The following POLD3 variants were observed in gnomAD, a reference collection of about 807,000 sequenced individuals.
POLD3 encodes DNA polymerase delta subunit 3.
POLD3 carries 19 observed loss-of-function variants against 58.2 expected under a neutral mutation model. The ratio of observed to expected loss-of-function variants is 0.33; its 90% CI spans 0.23 to 0.48. The LOEUF (loss-of-function observed/expected upper bound fraction) is 0.48. Among genes scored for constraint, POLD3 ranks in the 20% least tolerant of loss-of-function variants. The pLI is 0.99. For synonymous variants in POLD3, 172 were observed against 193.5 expected, an observed-to-expected ratio of 0.89 and a Z score of 0.92; for missense variants, 504 against 545.5, an observed-to-expected ratio of 0.92 and a Z score of 0.76.
intron 4 of POLD3, among the ~76,000 whole-genome samples, chr11:74,660,384 C>CTATTA (rs2033190771): frequency 2.0e-5 from 3 of 152,156 alleles, no homozygotes; most frequent in Non-Finnish European, 1.5e-5. Flanking sequence ...TTTGAATAAA[C>CTATTA]TTTCTACTAT....
chr11:74,667,329 A>G (rs2033282336), intron 4 of POLD3, among the ~76,000 whole-genome samples: 1 of 152,128 alleles, frequency 6.6e-6, no homozygotes, highest in Non-Finnish European at 1.5e-5. Flanking sequence ...AGGTCAGGAG[A>G]TCGAGACCAT....
chr11:74,656,069 G>T (rs1267252917), intron 4 of POLD3, among the ~76,000 whole-genome samples: 1 of 152,132 alleles, frequency 6.6e-6, no homozygotes, highest in Non-Finnish European at 1.5e-5. Context: ...CATTTAAAAT[G>T]CCATTTATAA....
At position 74,592,632 on chromosome 11, in the gene POLD3, A is replaced by G. The variant is rs2031069797; in HGVS notation, c.-27A>G. On this transcript the variant is annotated 5_prime_UTR_variant, in exon 1 of 12. Transcript: ENST00000263681. ...TGTGGCTGTGATTGAGAGAGGGGTT[A>G]GAGGCGGGTCCCAGCGCTGCCGCAC... is the stretch of plus-strand genomic sequence containing the variant. 1.3e-6 allele frequency: 2 copies of G among 1,596,564 alleles called. No homozygotes were observed. The highest frequency in any genetic ancestry group is 8.6e-7 in the Non-Finnish European group (1 of 1,169,278).
At chr11:74,625,624 A>T in intron 8 of POLD3, 51 bp downstream of exon 8, 1 of 1,495,824 alleles carries the variant, frequency 6.7e-7, no homozygotes, top group African/African-American at 1.4e-5. Context: ...GGGGGTGAGA[A>T]GGTCTCTTTG....
At chr11:74,627,930 G>A (rs2032478900) in intron 8 of POLD3, among the ~76,000 whole-genome samples, 5 of 152,204 alleles carry the variant, frequency 3.3e-5, no homozygotes, top group Admixed American at 3.3e-4. Context: ...GTTTTCTGAA[G>A]GAGTTTATAT....
rs1174092578 is a variant in POLD3, at chr11:74,629,158, G to T, written c.900-59G>T. 4.0e-6 allele frequency: 4 copies of T among 993,442 alleles called. No individual in the cohort carries two copies. The East Asian group carries it at 7.9e-5, about 20-fold the overall frequency. The allele number at this position is 993,442 out of a possible 1,614,324, so 61.5% of individuals were successfully genotyped here. On this transcript the variant is annotated intron_variant, in intron 8 of 11. Transcript: ENST00000263681. ...TATAAAGCAAAACCCATAAGAGCAT[G>T]TGAATACTTACATTTTTGTTCTGTG... is the stretch of plus-strand genomic sequence containing the variant.
chr11:74,644,501 T>C (rs1453024000), downstream of POLD3, among the ~76,000 whole-genome samples: 2 of 152,228 alleles, frequency 1.3e-5, no homozygotes, highest in Non-Finnish European at 2.9e-5. Flanking sequence ...CATTTAGGAT[T>C]GACTCTTACC....
intron 10 of POLD3, 78 bp from the exon 11 acceptor site, chr11:74,636,119 T>C: frequency 6.7e-6 from 9 of 1,335,104 alleles, no homozygotes; most frequent in Non-Finnish European, 9.5e-6. Flanking sequence ...GAGTGATTAG[T>C]ATAGATTTAA....
At chr11:74,640,454 A>G in intron 11 of POLD3, 110 bp from the exon 12 acceptor site, 2 of 1,309,850 alleles carry the variant, frequency 1.5e-6, no homozygotes. Context: ...AAGTAAGCAT[A>G]TTTGCCTTGA....
At position 74,641,307 on chromosome 11, in the gene POLD3, G is replaced by GA; in HGVS notation, c.*545dup. On this transcript the variant is annotated 3_prime_UTR_variant, in exon 12 of 12. Transcript: ENST00000263681. Reference sequence around the variant, plus strand: ...TTTTGGTTGGACTAAAGGCTGAAGTGAAAATCTCCCTGTAATCCTCTTCCT... The same window carrying GA: ...TTTTGGTTGGACTAAAGGCTGAAGTGAAAAATCTCCCTGTAATCCTCTTCCT... 1.0e-6 allele frequency: 1 copy of GA among 985,454 alleles called. No homozygotes were observed. The highest frequency in any genetic ancestry group is 1.2e-6 in the Non-Finnish European group (1 of 829,978). 61.0% of individuals were successfully genotyped at this position (985,454 alleles called of 1,614,324 possible). A position where few individuals can be genotyped will look rare whatever the true frequency, so the allele number is the denominator to read the frequency against.
rs202231769 is a variant in POLD3, at chr11:74,592,617, A to C, written c.-42A>C. 2 of 1,610,840 alleles carry C rather than the reference A, an allele frequency of 1.2e-6. No individual in the cohort carries two copies. Among genetic ancestry groups the C allele is most frequent in the African/African-American group, 2.7e-5 (2 of 74,990 alleles). ...CCCGCCGGCGGGAGCTGTGGCTGTG[A>C]TTGAGAGAGGGGTTAGAGGCGGGTC... is the stretch of plus-strand genomic sequence containing the variant. On this transcript the variant is annotated 5_prime_UTR_variant, in exon 1 of 12. Transcript: ENST00000263681.
Position 74,634,668 on chromosome 11 carries a change from G to C in POLD3, c.1092G>C (p.Lys364Asn). 6.2e-7 allele frequency: 1 copy of C among 1,610,372 alleles called. No individual in the cohort carries two copies. The highest frequency in any genetic ancestry group is 8.5e-7 in the Non-Finnish European group (1 of 1,176,608). ...PPSPPLEPVP[K>N]TEPEPPSVKS... is the part of the protein sequence containing the mutation. ...CTCCACCTCTTGAACCAGTGCCAAAGACTGAGCCTGAACCTCCTTCTGTCA... is the reference window on the plus strand; with the variant it reads ...CTCCACCTCTTGAACCAGTGCCAAACACTGAGCCTGAACCTCCTTCTGTCA... Residue 364 changes from lysine (K) to asparagine (N), a missense_variant, in exon 10 of 12, where the codon AAG becomes AAC. Around this residue, in one of 2 missense-constraint regions of POLD3, gnomAD observed 385 missense variants for 370.5 expected, o/e 1.04. Transcript: ENST00000263681.
At position 74,629,227 on chromosome 11, in the gene POLD3, G is replaced by A. The variant is rs1337368064; in HGVS notation, c.910G>A (p.Val304Ile). The A allele has an allele frequency of 1.3e-6, 2 of 1,593,520 alleles. No individual in the cohort carries two copies. The highest frequency in any genetic ancestry group is 1.7e-6 in the Non-Finnish European group (2 of 1,166,952). ...TCTGGATGGCAACAGGGGGAAGCGAGTAGCATTATCTGATGATGAGACAAA... is the reference window on the plus strand; with the variant it reads ...TCTGGATGGCAACAGGGGGAAGCGAATAGCATTATCTGATGATGAGACAAA... The part of the protein sequence containing the change: ...LQKEKKRGKR[V>I]ALSDDETKET... The change falls in exon 9 of 12, where the codon GTA becomes ATA. Residue 304 changes from valine (V) to isoleucine (I), a missense_variant. Transcript: ENST00000263681.
chr11:74,604,822 T>A (rs1253447955), intron 3 of POLD3, 28 bp downstream of exon 3: 1 of 1,156,536 alleles, frequency 8.6e-7, no homozygotes, highest in Admixed American at 1.7e-5. Flanking sequence ...TGTAATGAGC[T>A]TAAATGTGTT....
At chr11:74,628,528 G>T (rs1418204465) in intron 8 of POLD3, among the ~76,000 whole-genome samples, 1 of 152,066 alleles carries the variant, frequency 6.6e-6, no homozygotes, top group Non-Finnish European at 1.5e-5. Flanking sequence ...ATTACTTGTT[G>T]GTTGCATGAG....
intron 3 of POLD3, among the ~76,000 whole-genome samples, chr11:74,609,386 T>A (rs867422944): frequency 0.076 from 2,297 of 30,078 alleles, 34 homozygotes; most frequent in Middle Eastern, 0.26. Flanking sequence ...TTTTTTTTTT[T>A]TTTTTTTTTT....
At chr11:74,635,750 G>A (rs182411176) in intron 10 of POLD3, among the ~76,000 whole-genome samples, 9 of 152,228 alleles carry the variant, frequency 5.9e-5, no homozygotes, top group African/African-American at 1.9e-4. Context: ...CTACAGCAAG[G>A]GCATATGCCA....
intron 1 of POLD3, among the ~76,000 whole-genome samples, 186 bp from the exon 2 acceptor site, chr11:74,593,875 C>G (rs2031126118): frequency 6.6e-6 from 1 of 152,180 alleles, no homozygotes; most frequent in African/African-American, 2.4e-5. Flanking sequence ...AACTTCTTAG[C>G]ATTTTTAAGA....
chr11:74,604,671 G>A (rs574484784), intron 2 of POLD3, 21 bp from the exon 3 acceptor site: 3 of 1,304,780 alleles, frequency 2.3e-6, no homozygotes, highest in East Asian at 4.6e-5. Context: ...TCTTACTTGT[G>A]CCTTCTTTTC....
Sources: allele counts gnomAD v4.1 joint callset (sites outside exome capture counted in the v4.1 genomes callset), GRCh38; gene constraint gnomAD v4.1.1; regional missense constraint gnomAD v4.1.1; transcripts MANE v1.5; gene names NCBI Gene and HGNC (gene_info 2026-07-23, HGNC 2026-07-21).